Variants in RCBTB1 observed in about 807,000 individuals in gnomAD.
The protein encoded by RCBTB1 is RCC1 and BTB domain-containing protein 1.
RCBTB1 carries 46 observed loss-of-function variants against 62.4 expected under a neutral mutation model. The ratio of observed to expected loss-of-function variants is 0.74; its 90% CI spans 0.58 to 0.94. The LOEUF is 0.94. RCBTB1 is among the 40% of genes least tolerant of loss of function. RCBTB1 has a pLI of 0.00. For missense variants in RCBTB1, 565 were observed against 654.9 expected, an observed-to-expected ratio of 0.86 and a Z score of 1.50; for synonymous variants, 222 against 245.8, an observed-to-expected ratio of 0.90 and a Z score of 0.91.
intron 2 of RCBTB1, among the ~76,000 whole-genome samples, chr13:49,575,042 T>C (rs946725698): frequency 6.6e-6 from 1 of 152,072 alleles, no homozygotes; most frequent in African/African-American, 2.4e-5. Flanking sequence ...CAAAGTAGAA[T>C]TGTGGGTGCC....
At chr13:49,536,830 T>C (rs1386714276) in intron 12 of RCBTB1, among the ~76,000 whole-genome samples, 4 of 152,364 alleles carry the variant, frequency 2.6e-5, no homozygotes, top group African/African-American at 7.2e-5. Flanking sequence ...ACCAGATTTA[T>C]TGTCATTAGC....
At chr13:49,571,614 G>C (rs1963406145) in intron 2 of RCBTB1, among the ~76,000 whole-genome samples, 1 of 152,130 alleles carries the variant, frequency 6.6e-6, no homozygotes, top group East Asian at 1.9e-4. Flanking sequence ...ACATGAACTG[G>C]CATCCTTGGA....
intron 4 of RCBTB1, among the ~76,000 whole-genome samples, chr13:49,563,338 A>C (rs1411068969): frequency 2.5e-5 from 2 of 79,486 alleles, no homozygotes; most frequent in Non-Finnish European, 4.3e-5. Flanking sequence ...GGTGACAGAG[A>C]GAGAGAGACC....
At chr13:49,546,209 T>C (rs1456353696) in intron 9 of RCBTB1, 1 of 985,330 alleles carries the variant, frequency 1.0e-6, no homozygotes, top group East Asian at 1.1e-4. Context: ...GAAATGACTC[T>C]TTCTCCTCTT....
chr13:49,538,749 A>G (rs74851694), intron 12 of RCBTB1, among the ~76,000 whole-genome samples: 3,730 of 103,414 alleles, frequency 0.036, 162 homozygotes, highest in African/African-American at 0.1. Context: ...AATTATGAAT[A>G]TATATATATA....
At chr13:49,583,326 G>A (rs1964212900) in intron 1 of RCBTB1, among the ~76,000 whole-genome samples, 1 of 151,966 alleles carries the variant, frequency 6.6e-6, no homozygotes, top group South Asian at 2.1e-4. Flanking sequence ...GTCTTTAGAG[G>A]TACCCATCTG....
rs1960876071 is a variant in RCBTB1 at position 49,547,265 on chromosome 13, T to A, written c.1045+2193A>T. 5 of 1,035,510 alleles carry A rather than the reference T, an allele frequency of 4.8e-6. No individual in the cohort carries two copies. In the Admixed American group the frequency reaches 1.3e-4, roughly 28 times the overall value. 64.1% of individuals were successfully genotyped at this position (1,035,510 alleles called of 1,614,324 possible). The stretch of plus-strand genomic sequence containing the variant: ...CAATTGGTTTCACTTTAAGGCAAGC[T>A]TAACTCTTCCTAAGCACCCTTGCCT... On this transcript the variant is annotated intron_variant, in intron 9 of 12. Transcript: ENST00000378302.
chr13:49,559,644 A>G lies in RCBTB1; in HGVS notation c.444+274T>C, dbSNP rs543803226. Among the ~76,000 whole-genome samples, 10 of 123,470 alleles carry G rather than the reference A, an allele frequency of 8.1e-5. No individual in the cohort carries two copies. In the East Asian group the frequency reaches 2.1e-3, roughly 26 times the overall value. 81.0% of individuals were successfully genotyped at this position (123,470 alleles called of 152,430 possible). A position where few individuals can be genotyped will look rare whatever the true frequency, so the allele number is the denominator to read the frequency against. On this transcript the variant is annotated intron_variant, in intron 5 of 12. Coordinates refer to ENST00000378302, the MANE Select transcript of RCBTB1 (RefSeq NM_018191.4). ...GTACTCCAGCCTGGGCGACAGAGCG[A>G]GACTCCATCTCAAAAAAAAAAAAAA...
At chr13:49,581,959 AAAC>A (rs1308062155) in intron 1 of RCBTB1, among the ~76,000 whole-genome samples, 1 of 152,282 alleles carries the variant, frequency 6.6e-6, no homozygotes, top group Non-Finnish European at 1.5e-5. Flanking sequence ...CCATGAGTAT[AAAC>A]AACTTGTTCA....
intron 3 of RCBTB1, 25 bp from the exon 4 acceptor site, chr13:49,566,793 T>A (rs1963051420): frequency 6.3e-7 from 1 of 1,584,878 alleles, no homozygotes. Context: ...GTTTTTTTTC[T>A]GAGTCTTTTG....
chr13:49,538,989 C>T (rs1467838543), intron 12 of RCBTB1, among the ~76,000 whole-genome samples: 1 of 151,522 alleles, frequency 6.6e-6, no homozygotes, highest in Non-Finnish European at 1.5e-5. Flanking sequence ...CCTGCCTCAG[C>T]CTCCCGAATA....
intron 2 of RCBTB1, among the ~76,000 whole-genome samples, chr13:49,572,876 A>T (rs1306661971): frequency 3.4e-4 from 51 of 152,188 alleles, no homozygotes; most frequent in Admixed American, 3.3e-3. Context: ...ATATGAAGTG[A>T]TTCTATTTGT....
chr13:49,551,288 C>G, intron 8 of RCBTB1, 38 bp downstream of exon 8: 1 of 1,607,984 alleles, frequency 6.2e-7, no homozygotes, highest in South Asian at 1.1e-5. Context: ...AAGGCCACAT[C>G]GCACACACAG....
chr13:49,566,462 A>C (rs376618819), intron 4 of RCBTB1, among the ~76,000 whole-genome samples, 156 bp downstream of exon 4: 2 of 152,268 alleles, frequency 1.3e-5, no homozygotes, highest in East Asian at 1.9e-4. Flanking sequence ...GTTAGCCCGA[A>C]GTGTTTAACT....
chr13:49,554,005 CTG>C (rs1472894749), intron 6 of RCBTB1, among the ~76,000 whole-genome samples: 3 of 152,144 alleles, frequency 2.0e-5, no homozygotes, highest in African/African-American at 7.2e-5. Flanking sequence ...CAGTAGAGCT[CTG>C]TATGTGGGTC....
At chr13:49,576,370 T>A (rs1963789423) in intron 2 of RCBTB1, among the ~76,000 whole-genome samples, 1 of 152,012 alleles carries the variant, frequency 6.6e-6, no homozygotes, top group Non-Finnish European at 1.5e-5. Context: ...CAAATAATCA[T>A]CCTGTGGGCT....
At position 49,551,399 on chromosome 13, in the gene RCBTB1, T is replaced by C; in HGVS notation, c.781A>G (p.Thr261Ala). 1.2e-6 allele frequency: 2 copies of C among 1,614,226 alleles called. No homozygotes were observed. The highest frequency in any genetic ancestry group is 1.7e-6 in the Non-Finnish European group (2 of 1,180,034). Reference protein sequence around the residue: ...EGLLYAWGANTYGQLGTGNKN... With the variant: ...EGLLYAWGANAYGQLGTGNKN... ...TTGCCAGTTCCCAGCTGCCCATATG[T>C]GTTAGCTCCCCAGGCATACAGCAAG... The change falls in exon 8 of 13, where the codon ACA (threonine) becomes GCA (alanine). Residue 261 changes from threonine to alanine, a missense_variant. Coordinates refer to ENST00000378302, the MANE Select transcript of RCBTB1 (RefSeq NM_018191.4).
At chr13:49,547,240 C>A in intron 9 of RCBTB1, 1 of 1,178,152 alleles carries the variant, frequency 8.5e-7, no homozygotes, top group Non-Finnish European at 1.1e-6. Flanking sequence ...AGGGAGTATT[C>A]AATTGGTTTC....
chr13:49,545,798 G>C (rs1960742540), intron 9 of RCBTB1, among the ~76,000 whole-genome samples: 1 of 152,154 alleles, frequency 6.6e-6, no homozygotes, highest in Non-Finnish European at 1.5e-5. Context: ...CCAAGCCTGG[G>C]ATGAACCATT....
Sources: gnomAD v4.1 joint callset for allele counts (sites outside exome capture counted in the v4.1 genomes callset) on GRCh38, gnomAD v4.1.1 for gene constraint, MANE v1.5 for transcripts, NCBI Gene and HGNC (gene_info 2026-07-23, HGNC 2026-07-21) for gene names.